ARHGAP25: variants seen among roughly 807,000 people sequenced by gnomAD.
ARHGAP25 encodes the protein Rho GTPase activating protein 25, also known as rho GTPase-activating protein 25.
A neutral mutation model predicts 71.0 loss-of-function variants in ARHGAP25; 34 were observed. The ratio of observed to expected loss-of-function variants is 0.48; its 90% CI spans 0.36 to 0.64. The LOEUF (loss-of-function observed/expected upper bound fraction) is 0.64. Ranked by LOEUF, ARHGAP25 falls within the 30% of genes least tolerant of loss-of-function variation. The probability of loss-of-function intolerance (pLI) is 0.00; values close to 1 mark genes in which losing one functional copy is unlikely to be tolerated. For missense variants in ARHGAP25, 706 were observed against 805.1 expected (o/e 0.88, Z 1.49); for synonymous variants, 282 against 296.5 (o/e 0.95, Z 0.50).
In ARHGAP25 at chr2:68,711,280, A is replaced by G. The variant is rs143662991; in HGVS notation, c.-18+582A>G. Among the ~76,000 whole-genome samples, 32 of 152,288 alleles carry G rather than the reference A, an allele frequency of 2.1e-4. 1 individual carries two copies. The highest frequency in any genetic ancestry group is 1.7e-3 in the Admixed American group (26 of 15,294). On this transcript the variant is annotated intron_variant and NMD_transcript_variant, in intron 2 of 7. Transcript: ENST00000463483. ...GTGAATTTTCCCATAAGTCCTTCTCAAAGTATTTCCAAAGGGGAAGAGTGA... is the reference window on the plus strand; with the variant it reads ...GTGAATTTTCCCATAAGTCCTTCTCGAAGTATTTCCAAAGGGGAAGAGTGA...
At chr2:68,738,349 G>A (rs1376478203) in intron 1 of ARHGAP25, among the ~76,000 whole-genome samples, 3 of 152,128 alleles carry the variant, frequency 2.0e-5, no homozygotes, top group African/African-American at 7.2e-5. Flanking sequence ...AGCACATTTT[G>A]TACCTTATTT....
intron 1 of ARHGAP25, among the ~76,000 whole-genome samples, chr2:68,766,653 G>C (rs1198561772): frequency 6.6e-6 from 1 of 152,124 alleles, no homozygotes; most frequent in South Asian, 2.1e-4. Context: ...GCTGGCTCAG[G>C]TTTCCAGAGC....
intron 1 of ARHGAP25, among the ~76,000 whole-genome samples, chr2:68,769,262 G>A (rs1367909575): frequency 2.0e-5 from 3 of 151,892 alleles, no homozygotes; most frequent in Non-Finnish European, 2.9e-5. Flanking sequence ...ATAAAATTGA[G>A]TCCATACTAT....
intron 1 of ARHGAP25, among the ~76,000 whole-genome samples, chr2:68,738,274 C>A (rs1675320429): frequency 1.3e-5 from 2 of 152,188 alleles, no homozygotes; most frequent in South Asian, 4.1e-4. Context: ...GGACCTCCAG[C>A]CCCAGGTTAC....
At chr2:68,807,164 G>A in intron 4 of ARHGAP25, 109 bp from the exon 5 acceptor site, 2 of 988,932 alleles carry the variant, frequency 2.0e-6, no homozygotes, top group Non-Finnish European at 3.1e-6. Context: ...ATTTTGTCTA[G>A]TATCATTGCA....
At chr2:68,791,922 TC>T (rs1290993485) in intron 4 of ARHGAP25, among the ~76,000 whole-genome samples, 2 of 152,168 alleles carry the variant, frequency 1.3e-5, no homozygotes, top group African/African-American at 4.8e-5. Flanking sequence ...TGGGCTAATT[TC>T]TTGCCACCCT....
chr2:68,807,161 C>A, intron 4 of ARHGAP25, 112 bp from the exon 5 acceptor site: 1 of 947,914 alleles, frequency 1.1e-6, no homozygotes, highest in Non-Finnish European at 1.7e-6. Flanking sequence ...CATATTTTGT[C>A]TAGTATCATT....
intron 4 of ARHGAP25, among the ~76,000 whole-genome samples, chr2:68,793,361 A>G (rs1051038173): frequency 6.6e-6 from 1 of 152,138 alleles, no homozygotes; most frequent in Non-Finnish European, 1.5e-5. Context: ...CAATGTCCAG[A>G]AGAGTTTTCC....
At chr2:68,723,072 A>G (rs1674801033) in intron 2 of ARHGAP25, among the ~76,000 whole-genome samples, 1 of 152,156 alleles carries the variant, frequency 6.6e-6, no homozygotes, top group African/African-American at 2.4e-5. Flanking sequence ...GTGCTCATTT[A>G]GATGCACCGG....
At chr2:68,775,547 T>C in intron 2 of ARHGAP25, 127 bp downstream of exon 2, 1 of 1,428,102 alleles carries the variant, frequency 7.0e-7, no homozygotes, top group Non-Finnish European at 9.7e-7. Context: ...GAAAGGAAAT[T>C]GCTTTTCCCT....
intron 4 of ARHGAP25, among the ~76,000 whole-genome samples, chr2:68,797,796 G>A (rs1679672224): frequency 6.6e-6 from 1 of 152,222 alleles, no homozygotes; most frequent in Non-Finnish European, 1.5e-5. Context: ...AAGATTCGTG[G>A]TGTGGGAGAG....
intron 7 of ARHGAP25, 53 bp downstream of exon 7, chr2:68,816,415 C>T: frequency 6.9e-7 from 1 of 1,450,018 alleles, no homozygotes; most frequent in Non-Finnish European, 9.7e-7. Flanking sequence ...CAGAAAGAAG[C>T]TCCTAGTTAG....
intron 6 of ARHGAP25, among the ~76,000 whole-genome samples, chr2:68,814,043 A>C (rs1029940923): frequency 6.6e-6 from 1 of 152,222 alleles, no homozygotes; most frequent in African/African-American, 2.4e-5. Context: ...AACCAACCAA[A>C]CAACCAAAGA....
At chr2:68,765,088 C>T (rs1004246719) in intron 1 of ARHGAP25, among the ~76,000 whole-genome samples, 1 of 152,148 alleles carries the variant, frequency 6.6e-6, no homozygotes, top group Admixed American at 6.5e-5. Context: ...TGCCCTTTCT[C>T]TCTCTCTGCC....
rs1204440568 is a variant in ARHGAP25 at position 68,811,354 on chromosome 2, A to G, written c.675-1933A>G. 2.0e-5 allele frequency among the ~76,000 whole-genome samples: 3 copies of G among 152,136 alleles called. No homozygotes were observed. In the East Asian group the frequency reaches 5.8e-4, roughly 29 times the overall value. On this transcript the variant is annotated intron_variant, in intron 5 of 10. Coordinates refer to ENST00000409202, the MANE Select transcript of ARHGAP25 (RefSeq NM_001007231.3). ...ATTGCAGTGTAGGGACTTTAGGAAG[A>G]TGCAACTTTTGGACTTTGGGAGAAT... is the stretch of plus-strand genomic sequence containing the variant.
At chr2:68,744,808 A>G (rs1308117342) in intron 1 of ARHGAP25, among the ~76,000 whole-genome samples, 2 of 152,148 alleles carry the variant, frequency 1.3e-5, no homozygotes, top group African/African-American at 2.4e-5. Context: ...AATGTGGTCT[A>G]TTTTCATTAT....
rs1257568125 is a variant in ARHGAP25, at chr2:68,819,510, A to G, written c.1200+191A>G. On this transcript the variant is annotated intron_variant, in intron 9 of 10. Coordinates refer to ENST00000409202, the MANE Select transcript of ARHGAP25 (RefSeq NM_001007231.3). ...CTTTCCAAATCTAGTTTCTATTGGC[A>G]TCTTTGAGGGGGGTGAGTGACAAGT... The G allele has an allele frequency of 8.4e-6, 6 of 717,794 alleles. No homozygotes were observed. In the East Asian group the frequency reaches 1.1e-4, roughly 13 times the overall value. The allele number at this position is 717,794 out of a possible 1,614,324, so 44.5% of individuals were successfully genotyped here. A position where few individuals can be genotyped will look rare whatever the true frequency, so the allele number is the denominator to read the frequency against.
At chr2:68,754,285 A>G (rs1676352901) in intron 1 of ARHGAP25, among the ~76,000 whole-genome samples, 1 of 126,316 alleles carries the variant, frequency 7.9e-6, no homozygotes, top group Admixed American at 8.2e-5. Flanking sequence ...TTGGACAACC[A>G]CTCATTTGTT....
In ARHGAP25 at chr2:68,734,925, C is replaced by A; in HGVS notation, c.-275C>A. On this transcript the variant is annotated 5_prime_UTR_variant, in exon 1 of 11. Coordinates refer to ENST00000409202, the MANE Select transcript of ARHGAP25 (RefSeq NM_001007231.3). ...GGGATATTTCTGGTAAAACTGAAAGCAAGAAAAGCAGGGTGCTAGCCCCTG... is the reference window on the plus strand; with the variant it reads ...GGGATATTTCTGGTAAAACTGAAAGAAAGAAAAGCAGGGTGCTAGCCCCTG... 1 of 472,600 alleles carries A rather than the reference C, an allele frequency of 2.1e-6. No homozygotes were observed. Among genetic ancestry groups the A allele is most frequent in the Admixed American group, 3.9e-5 (1 of 25,932 alleles). 29.3% of individuals were successfully genotyped at this position (472,600 alleles called of 1,614,324 possible). A position where few individuals can be genotyped will look rare whatever the true frequency, so the allele number is the denominator to read the frequency against.
Sources: allele counts gnomAD v4.1 joint callset (sites outside exome capture counted in the v4.1 genomes callset), GRCh38; gene constraint gnomAD v4.1.1; transcripts MANE v1.5; gene names NCBI Gene and HGNC (gene_info 2026-07-23, HGNC 2026-07-21).